PTPRM: variants seen among roughly 807,000 people sequenced by gnomAD.
PTPRM encodes receptor-type tyrosine-protein phosphatase mu.
PTPRM carries 47 observed loss-of-function variants against 186.7 expected under a neutral mutation model. That is an observed-to-expected ratio of 0.25 (90% CI 0.20 to 0.32). The LOEUF is 0.32. Ranked by LOEUF, PTPRM falls within the 10% of genes least tolerant of loss-of-function variation. The pLI, the probability that PTPRM is intolerant of heterozygous loss-of-function variation, is 1.00. For missense variants in PTPRM, 1,494 were observed against 1,865.0 expected (o/e 0.80, Z 3.66); for synonymous variants, 668 against 674.9 (o/e 0.99, Z 0.16).
chr18:8,356,193 G>A (rs2095562373), intron 23 of PTPRM, among the ~76,000 whole-genome samples: 1 of 152,206 alleles, frequency 6.6e-6, no homozygotes, highest in Non-Finnish European at 1.5e-5. Flanking sequence ...CATAGACTGA[G>A]TGTGGACTTG....
At chr18:8,239,772 A>G (rs182009568) in intron 14 of PTPRM, among the ~76,000 whole-genome samples, 3 of 152,324 alleles carry the variant, frequency 2.0e-5, no homozygotes, top group African/African-American at 7.2e-5. Flanking sequence ...GTTAGGAAAA[A>G]GTTATGACTT....
At chr18:7,776,916 T>C (rs2042613001) in intron 2 of PTPRM, among the ~76,000 whole-genome samples, 1 of 152,212 alleles carries the variant, frequency 6.6e-6, no homozygotes, top group Non-Finnish European at 1.5e-5. Context: ...TAAACTGAGT[T>C]TCCAATATGT....
chr18:7,879,600 A>T (rs2048401622), intron 2 of PTPRM, among the ~76,000 whole-genome samples: 1 of 152,190 alleles, frequency 6.6e-6, no homozygotes, highest in South Asian at 2.1e-4. Flanking sequence ...AATAATAAAA[A>T]TGGCCGTTCA....
intron 23 of PTPRM, among the ~76,000 whole-genome samples, chr18:8,358,849 T>C (rs1367918095): frequency 6.6e-6 from 1 of 152,180 alleles, no homozygotes; most frequent in Non-Finnish European, 1.5e-5. Flanking sequence ...TGTAAGCTGC[T>C]GCAAAATAAC....
chr18:7,937,155 G>C (rs1021528823), intron 5 of PTPRM, among the ~76,000 whole-genome samples: 2 of 152,264 alleles, frequency 1.3e-5, no homozygotes, highest in Middle Eastern at 3.4e-3. Flanking sequence ...CAAATGGCAG[G>C]GCTGCAAGGG....
chr18:7,655,296 A>G (rs1422277793), intron 1 of PTPRM, among the ~76,000 whole-genome samples: 1 of 152,132 alleles, frequency 6.6e-6, no homozygotes, highest in Non-Finnish European at 1.5e-5. Context: ...GGCTTAAGTG[A>G]TGGTCCTCCT....
chr18:8,343,183 A>G (rs2095485046), intron 22 of PTPRM, among the ~76,000 whole-genome samples: 1 of 152,250 alleles, frequency 6.6e-6, no homozygotes, highest in Non-Finnish European at 1.5e-5. Flanking sequence ...AAGGGTAAAA[A>G]GAGCTCAAAG....
chr18:8,122,717 T>A (rs1050876178), intron 13 of PTPRM, among the ~76,000 whole-genome samples: 5 of 152,240 alleles, frequency 3.3e-5, no homozygotes, highest in Non-Finnish European at 5.9e-5. Context: ...AAGAGATTTA[T>A]TTTTTACCTT....
chr18:8,334,058 T>C (rs1465373784), intron 22 of PTPRM, among the ~76,000 whole-genome samples: 1 of 152,208 alleles, frequency 6.6e-6, no homozygotes, highest in East Asian at 1.9e-4. Context: ...CTCCTAAGCC[T>C]GTTTCTTGGG....
chr18:7,966,313 A>AT (rs1253567120), intron 7 of PTPRM, among the ~76,000 whole-genome samples: 2 of 152,200 alleles, frequency 1.3e-5, no homozygotes, highest in African/African-American at 4.8e-5. Flanking sequence ...CCATTGTGGA[A>AT]TGAGTAATAT....
intron 1 of PTPRM, among the ~76,000 whole-genome samples, chr18:7,585,169 C>G (rs187910542): frequency 1.3e-5 from 2 of 152,282 alleles, no homozygotes; most frequent in East Asian, 1.9e-4. Context: ...ACAATAGACA[C>G]GGGAGCTGCC....
chr18:7,873,463 C>A (rs2048076550), intron 2 of PTPRM, among the ~76,000 whole-genome samples: 1 of 151,932 alleles, frequency 6.6e-6, no homozygotes, highest in Non-Finnish European at 1.5e-5. Context: ...TTTTTTAAAC[C>A]CTCCTGGTTA....
At chr18:7,863,298 C>G (rs1160193978) in intron 2 of PTPRM, among the ~76,000 whole-genome samples, 1 of 151,950 alleles carries the variant, frequency 6.6e-6, no homozygotes, top group Admixed American at 6.6e-5. Flanking sequence ...GGTTTGCTGC[C>G]CATCAAGCCA....
intron 14 of PTPRM, among the ~76,000 whole-genome samples, chr18:8,215,950 CCT>C: frequency 6.6e-6 from 1 of 152,228 alleles, no homozygotes; most frequent in South Asian, 2.1e-4. Flanking sequence ...AACCCAGCCC[CCT>C]GTCTGTCAAT....
intron 19 of PTPRM, among the ~76,000 whole-genome samples, chr18:8,267,816 T>C (rs532189351): frequency 5.2e-4 from 79 of 152,064 alleles, no homozygotes; most frequent in African/African-American, 1.9e-3. Flanking sequence ...TTTTAAAAGA[T>C]CTTTGCCAAT....
At chr18:8,187,915 A>G (rs2146669401) in intron 14 of PTPRM, among the ~76,000 whole-genome samples, 1 of 152,284 alleles carries the variant, frequency 6.6e-6, no homozygotes, top group Admixed American at 6.5e-5. Context: ...CCTTTTGGAG[A>G]TTGGTATGCA....
chr18:7,942,015 A>T (rs2052208528), intron 5 of PTPRM, among the ~76,000 whole-genome samples: 2 of 152,138 alleles, frequency 1.3e-5, no homozygotes, highest in Admixed American at 1.3e-4. Flanking sequence ...GCTGGGTGCG[A>T]TGGCTCACAC....
At chr18:7,891,369 A>G (rs1222267773) in intron 3 of PTPRM, among the ~76,000 whole-genome samples, 3 of 149,660 alleles carry the variant, frequency 2.0e-5, no homozygotes, top group Non-Finnish European at 3.0e-5. Context: ...TTTTTTGGCC[A>G]TCTGTTATAT....
intron 13 of PTPRM, among the ~76,000 whole-genome samples, chr18:8,137,573 T>C (rs1269029705): frequency 6.6e-6 from 1 of 152,150 alleles, no homozygotes; most frequent in African/African-American, 2.4e-5. Context: ...CAAGGTACTG[T>C]TCTGTTATTT....
Sources: gnomAD v4.1 joint callset for allele counts (sites outside exome capture counted in the v4.1 genomes callset) on GRCh38, gnomAD v4.1.1 for gene constraint, MANE v1.5 for transcripts, NCBI Gene and HGNC (gene_info 2026-07-23, HGNC 2026-07-21) for gene names.